Variants in UBE2W observed in about 807,000 individuals in gnomAD.
The protein encoded by UBE2W is ubiquitin conjugating enzyme E2 W, also known as ubiquitin-conjugating enzyme E2 W.
A neutral mutation model predicts 27.2 loss-of-function variants in UBE2W; 18 were observed. The ratio of observed to expected loss-of-function variants is 0.66; its 90% CI spans 0.46 to 0.98. The LOEUF (loss-of-function observed/expected upper bound fraction) is 0.98. UBE2W is among the 50% of genes least tolerant of loss of function. The pLI, the probability that UBE2W is intolerant of heterozygous loss-of-function variation, is 0.00. For missense variants in UBE2W, 90 were observed against 180.2 expected, an observed-to-expected ratio of 0.50 and a Z score of 2.87; for synonymous variants, 53 against 57.2, an observed-to-expected ratio of 0.93 and a Z score of 0.33.
intron 4 of UBE2W, among the ~76,000 whole-genome samples, chr8:73,809,864 C>T (rs1809076221): frequency 6.6e-6 from 1 of 152,144 alleles, no homozygotes; most frequent in Non-Finnish European, 1.5e-5. Context: ...CAGGTGTAAG[C>T]CACCGTGCCC....
intron 1 of UBE2W, among the ~76,000 whole-genome samples, chr8:73,849,847 A>T (rs1388631200): frequency 6.6e-6 from 1 of 152,098 alleles, no homozygotes; most frequent in African/African-American, 2.4e-5. Flanking sequence ...TACTAGGATA[A>T]GTTTTAAGAA....
At chr8:73,781,619 GTTTT>G (rs112691687), downstream of UBE2W, among the ~76,000 whole-genome samples, 7,905 of 140,938 alleles carry the variant, frequency 0.056, 674 homozygotes, top group African/African-American at 0.19. Flanking sequence ...TCAGGTTTGG[GTTTT>G]TTTTTTTTTT....
At chr8:73,870,703 G>T (rs1312147825) in intron 1 of UBE2W, among the ~76,000 whole-genome samples, 1 of 151,332 alleles carries the variant, frequency 6.6e-6, no homozygotes, top group Non-Finnish European at 1.5e-5. Context: ...CATAGCCAAA[G>T]GTATGAAGAA....
At chr8:73,853,819 A>T (rs924842614) in intron 1 of UBE2W, among the ~76,000 whole-genome samples, 12 of 152,172 alleles carry the variant, frequency 7.9e-5, no homozygotes, top group African/African-American at 2.7e-4. Flanking sequence ...AAAAGAAAAG[A>T]TGATCCTAAA....
intron 1 of UBE2W, among the ~76,000 whole-genome samples, chr8:73,847,812 G>GT (rs1810878497): frequency 6.6e-6 from 1 of 152,076 alleles, no homozygotes; most frequent in Non-Finnish European, 1.5e-5. Flanking sequence ...TGAGGCAGGA[G>GT]AATTGCTTGA....
intron 1 of UBE2W, among the ~76,000 whole-genome samples, chr8:73,869,586 G>A (rs958928284): frequency 2.6e-5 from 4 of 152,210 alleles, no homozygotes; most frequent in African/African-American, 4.8e-5. Flanking sequence ...AGCTACTCGG[G>A]AGGCTGAAGC....
At chr8:73,805,472 C>CAAAAAAAAAAACAAACAAACAAAAA in intron 5 of UBE2W, among the ~76,000 whole-genome samples, 179 bp downstream of exon 5, 1 of 43,676 alleles carries the variant, frequency 2.3e-5, no homozygotes, top group African/African-American at 6.0e-5. Context: ...AAAAAAAAAA[C>CAAAAAAAAAAACAAACAAACAAAAA]AAAAAAAACT....
rs185572460 is a variant in UBE2W, at chr8:73,846,380, G to A, written c.16-15908C>T. Among the ~76,000 whole-genome samples the A allele has an allele frequency of 4.3e-3, 649 of 152,206 alleles. 6 individuals are homozygous for A. The highest frequency in any genetic ancestry group is 0.015 in the African/African-American group (623 of 41,512). ...CACTGCACTCCAGCCTAGGCAACAA[G>A]AGCGAAACTCCATCTCAAAAAGAAA... is the stretch of plus-strand genomic sequence containing the variant. On this transcript the variant is annotated intron_variant, in intron 1 of 5. Coordinates refer to ENST00000602593, the MANE Select transcript of UBE2W (RefSeq NM_018299.6).
chr8:73,785,725 G>A (rs568156672), downstream of UBE2W, among the ~76,000 whole-genome samples: 494 of 152,034 alleles, frequency 3.2e-3, 1 homozygote, highest in Non-Finnish European at 5.9e-3. Flanking sequence ...CCAAGTAGCC[G>A]GGATTACAGG....
chr8:73,807,253 T>C (rs1253931559), intron 4 of UBE2W, among the ~76,000 whole-genome samples: 1 of 152,252 alleles, frequency 6.6e-6, no homozygotes. Flanking sequence ...GACTTAAATC[T>C]GCTTAGCTAA....
chr8:73,828,917 C>T (rs1026492548), intron 2 of UBE2W, among the ~76,000 whole-genome samples: 17 of 152,076 alleles, frequency 1.1e-4, no homozygotes, highest in African/African-American at 3.9e-4. Flanking sequence ...TCATCATCCT[C>T]GTTATGGATC....
intron 1 of UBE2W, among the ~76,000 whole-genome samples, chr8:73,862,564 A>C (rs1361185570): frequency 6.7e-6 from 1 of 148,614 alleles, no homozygotes; most frequent in East Asian, 2.0e-4. Context: ...AACAAAAGAC[A>C]AAATTGACAA....
rs1378464752 is a variant in UBE2W at position 73,793,707 on chromosome 8, G to C, written c.*395C>G. 1 of 998,080 alleles carries C rather than the reference G, an allele frequency of 1.0e-6. No homozygotes were observed. The highest frequency in any genetic ancestry group is 1.7e-5 in the African/African-American group (1 of 57,618). 61.8% of individuals were successfully genotyped at this position (998,080 alleles called of 1,614,324 possible). On this transcript the variant is annotated 3_prime_UTR_variant, in exon 6 of 6. Transcript: ENST00000602593. ...CCTATCATGCATTAATCATTGAATG[G>C]CAGGAGTTAATGAAAACTTTTCCTG...
intron 4 of UBE2W, among the ~76,000 whole-genome samples, chr8:73,807,996 T>C (rs543425740): frequency 2.3e-4 from 35 of 152,342 alleles, no homozygotes; most frequent in African/African-American, 7.7e-4. Flanking sequence ...AGAAATTATC[T>C]TTAATCCACT....
intron 3 of UBE2W, among the ~76,000 whole-genome samples, chr8:73,813,061 G>C (rs1456418281): frequency 1.8e-5 from 1 of 56,318 alleles, no homozygotes; most frequent in Non-Finnish European, 3.1e-5. Context: ...AAGTCAAGAA[G>C]AATAGTGATC....
At chr8:73,809,881 C>T (rs572024123) in intron 4 of UBE2W, among the ~76,000 whole-genome samples, 1 of 152,148 alleles carries the variant, frequency 6.6e-6, no homozygotes, top group East Asian at 1.9e-4. Flanking sequence ...GCCCAGCCTA[C>T]ATTTTAAGTT....
At chr8:73,822,592 C>A (rs1451899872) in intron 3 of UBE2W, among the ~76,000 whole-genome samples, 1 of 86,176 alleles carries the variant, frequency 1.2e-5, no homozygotes, top group Non-Finnish European at 2.2e-5. Flanking sequence ...TCTATTAAAT[C>A]TTGCAACTGC....
chr8:73,785,408 G>A (rs1807919723), downstream of UBE2W, among the ~76,000 whole-genome samples: 1 of 152,118 alleles, frequency 6.6e-6, no homozygotes, highest in African/African-American at 2.4e-5. Flanking sequence ...CTCCCAAAGT[G>A]CTGGGATTAC....
chr8:73,878,041 G>A (rs1812308587), intron 1 of UBE2W, among the ~76,000 whole-genome samples: 1 of 152,196 alleles, frequency 6.6e-6, no homozygotes, highest in Non-Finnish European at 1.5e-5. Context: ...CCGCAAGGGT[G>A]GGGCCTTGCA....
Sources: gnomAD v4.1 joint callset for allele counts (sites outside exome capture counted in the v4.1 genomes callset) on GRCh38, gnomAD v4.1.1 for gene constraint, MANE v1.5 for transcripts, NCBI Gene and HGNC (gene_info 2026-07-23, HGNC 2026-07-21) for gene names.